Variants in AGMO observed in about 807,000 individuals in gnomAD.
The protein encoded by AGMO is alkylglycerol monooxygenase.
Under a neutral mutation model 60.2 loss-of-function variants are expected in AGMO, and 75 were observed. The observed-to-expected ratio is 1.25, with a 90% CI of 1.03 to 1.51. AGMO has a LOEUF of 1.51. Among genes scored for constraint, AGMO ranks in the 40% most tolerant of loss-of-function variants. AGMO has a pLI of 0.00. For missense variants in AGMO, 763 were observed against 525.5 expected (o/e 1.45, Z -4.42); for synonymous variants, 261 against 177.1 (o/e 1.47, Z -3.76).
chr7:15,234,271 A>G (rs145838054), intron 12 of AGMO, among the ~76,000 whole-genome samples: 1 of 152,228 alleles, frequency 6.6e-6, no homozygotes, highest in East Asian at 1.9e-4. Context: ...GGACTTAGCT[A>G]TTTCCTTGCC....
chr7:15,510,520 A>G (rs1783642802), intron 3 of AGMO, among the ~76,000 whole-genome samples: 1 of 141,756 alleles, frequency 7.1e-6, no homozygotes, highest in African/African-American at 2.6e-5. Context: ...ATACTGTGAG[A>G]TGCTGTCATA....
In AGMO at chr7:15,277,355, T is replaced by A. The variant is rs62450283; in HGVS notation, c.1264-75996A>T. On this transcript the variant is annotated intron_variant, in intron 12 of 12. Coordinates refer to ENST00000342526, the MANE Select transcript of AGMO (RefSeq NM_001004320.2). ...TAAATAAATAAATAAATAAATAAATTATGTGTCATTTCTGCATTTTCACTT... is the reference window on the plus strand; with the variant it reads ...TAAATAAATAAATAAATAAATAAATAATGTGTCATTTCTGCATTTTCACTT... Among the ~76,000 whole-genome samples the A allele has an allele frequency of 5.5e-3, 569 of 104,014 alleles. 3 individuals carry two copies. Among genetic ancestry groups the A allele is most frequent in the South Asian group, 0.015 (35 of 2,362 alleles). 68.2% of individuals were successfully genotyped at this position (104,014 alleles called of 152,430 possible). A position where few individuals can be genotyped will look rare whatever the true frequency, so the allele number is the denominator to read the frequency against.
chr7:15,482,930 C>A (rs577739516), intron 3 of AGMO, among the ~76,000 whole-genome samples: 37 of 152,132 alleles, frequency 2.4e-4, no homozygotes, highest in African/African-American at 6.3e-4. Context: ...AAACACACAT[C>A]CATTCATGAT....
intron 12 of AGMO, among the ~76,000 whole-genome samples, chr7:15,299,304 T>A (rs1187719664): frequency 6.6e-6 from 1 of 152,116 alleles, no homozygotes; most frequent in Non-Finnish European, 1.5e-5. Context: ...AATATTTAGG[T>A]CTTTTTCTCT....
chr7:15,186,818 G>A, the AGMO span, among the ~76,000 whole-genome samples: 47 of 152,036 alleles, frequency 3.1e-4, no homozygotes, highest in African/African-American at 1.1e-3. Flanking sequence ...TCCACTTCTG[G>A]TGGTCCCGGC....
intron 8 of AGMO, among the ~76,000 whole-genome samples, chr7:15,389,546 T>G (rs542596638): frequency 1.3e-5 from 2 of 152,208 alleles, no homozygotes; most frequent in South Asian, 4.1e-4. Flanking sequence ...CCTTTCTTCT[T>G]TTGGTGTACG....
chr7:15,364,650 C>T (rs1316028651), intron 12 of AGMO, among the ~76,000 whole-genome samples: 2 of 151,938 alleles, frequency 1.3e-5, no homozygotes, highest in African/African-American at 4.8e-5. Context: ...AAGTGAAATG[C>T]CGGGTTAACG....
rs532032760 is a variant in AGMO at position 15,390,352 on chromosome 7, A to G, written c.822+319T>C. On this transcript the variant is annotated intron_variant, in intron 8 of 12. Coordinates refer to ENST00000342526, the MANE Select transcript of AGMO (RefSeq NM_001004320.2). The stretch of plus-strand genomic sequence containing the variant: ...TCTTACTGCGGGATCAGCCTTAATT[A>G]TACATGTTACTATTGCTCCTACTGA... 6.6e-5 allele frequency among the ~76,000 whole-genome samples: 10 copies of G among 152,288 alleles called. No homozygotes were observed. In the East Asian group the frequency reaches 1.7e-3, roughly 26 times the overall value.
intron 3 of AGMO, among the ~76,000 whole-genome samples, chr7:15,483,593 ACAAACAAAAAAC>A (rs1394853577): frequency 6.6e-6 from 1 of 151,702 alleles, no homozygotes; most frequent in Non-Finnish European, 1.5e-5. Flanking sequence ...AAACAAACAA[ACAAACAAAAAAC>A]CATAAAATTT....
chr7:15,316,825 T>C lies in AGMO; in HGVS notation c.1263+48689A>G, dbSNP rs10269302. On this transcript the variant is annotated intron_variant, in intron 12 of 12. Transcript: ENST00000342526. ...TCCAACTTTATAGATTAATTGGCTT[T>C]TAAATAACATACATTTAAATTATTT... is the stretch of plus-strand genomic sequence containing the variant. 8.7e-3 allele frequency among the ~76,000 whole-genome samples: 1,327 copies of C among 152,344 alleles called. 16 individuals carry two copies. The highest frequency in any genetic ancestry group is 0.03 in the African/African-American group (1,253 of 41,578).
At chr7:15,328,128 C>T (rs1366121182) in intron 12 of AGMO, among the ~76,000 whole-genome samples, 2 of 151,286 alleles carry the variant, frequency 1.3e-5, no homozygotes, top group African/African-American at 4.9e-5. Context: ...TTTCCAAAGT[C>T]TCACTGTCGC....
intron 12 of AGMO, among the ~76,000 whole-genome samples, chr7:15,241,232 G>A (rs1057019179): frequency 9.2e-5 from 14 of 151,648 alleles, no homozygotes; most frequent in Middle Eastern, 3.4e-3. Flanking sequence ...AGGCCGAGGC[G>A]GGCGGATCAC....
chr7:15,322,712 AT>A lies in AGMO; in HGVS notation c.1263+42801del, dbSNP rs1179477235. ...AATATATGAATATGTATAAATATAT[AT>A]AAATATATAAATATATATATAAATA... On this transcript the variant is annotated intron_variant, in intron 12 of 12. Coordinates refer to ENST00000342526, the MANE Select transcript of AGMO (RefSeq NM_001004320.2). Among the ~76,000 whole-genome samples the A allele has an allele frequency of 8.6e-4, 38 of 44,302 alleles. 11 individuals carry two copies. The highest frequency in any genetic ancestry group is 4.8e-3 in the African/African-American group (38 of 7,838). 29.1% of individuals were successfully genotyped at this position (44,302 alleles called of 152,430 possible).
chr7:15,198,623 T>G (rs1032432662), downstream of AGMO, among the ~76,000 whole-genome samples: 5 of 152,138 alleles, frequency 3.3e-5, no homozygotes, highest in African/African-American at 1.2e-4. Context: ...CCCTGAAAAT[T>G]CGGAGACTGG....
At chr7:15,259,361 G>GA (rs371749830) in intron 12 of AGMO, among the ~76,000 whole-genome samples, 64 of 150,430 alleles carry the variant, frequency 4.3e-4, no homozygotes, top group African/African-American at 1.2e-3. Context: ...AAAGACAAAG[G>GA]AAAAAAAAAT....
intron 8 of AGMO, among the ~76,000 whole-genome samples, chr7:15,387,789 G>C (rs1011673532): frequency 1.3e-5 from 2 of 152,004 alleles, no homozygotes; most frequent in Non-Finnish European, 2.9e-5. Context: ...TGTAAAAACA[G>C]GGCAATTGTT....
At chr7:15,398,172 G>T (rs533007864) in intron 5 of AGMO, among the ~76,000 whole-genome samples, 2 of 152,234 alleles carry the variant, frequency 1.3e-5, no homozygotes, top group East Asian at 3.9e-4. Flanking sequence ...CTGCTCCCCA[G>T]ATGAATTTCT....
chr7:15,352,007 C>A (rs1335517006), intron 12 of AGMO, among the ~76,000 whole-genome samples: 1 of 152,184 alleles, frequency 6.6e-6, no homozygotes, highest in Non-Finnish European at 1.5e-5. Flanking sequence ...TGTTAATTCA[C>A]ATTATCTTCA....
chr7:15,340,900 T>C (rs1263042787), intron 12 of AGMO, among the ~76,000 whole-genome samples: 1 of 152,056 alleles, frequency 6.6e-6, no homozygotes, highest in Non-Finnish European at 1.5e-5. Context: ...GACCGCAGAA[T>C]GGTAGATTCA....
Sources: gnomAD v4.1 joint callset for allele counts (sites outside exome capture counted in the v4.1 genomes callset) on GRCh38, gnomAD v4.1.1 for gene constraint, MANE v1.5 for transcripts, NCBI Gene and HGNC (gene_info 2026-07-23, HGNC 2026-07-21) for gene names.